Variants in CADPS2 observed in about 807,000 individuals in gnomAD.
CADPS2 encodes calcium-dependent secretion activator 2.
In CADPS2, 93 loss-of-function variants were observed where a neutral mutation model predicts 172.5. The observed-to-expected ratio is 0.54, with a 90% CI of 0.46 to 0.64. CADPS2 has a LOEUF of 0.64. Among genes scored for constraint, CADPS2 ranks in the 30% least tolerant of loss-of-function variants. The probability of loss-of-function intolerance (pLI) is 0.00; values close to 1 mark genes in which losing one functional copy is unlikely to be tolerated. For missense variants in CADPS2, 1,420 were observed against 1,565.9 expected (o/e 0.91, Z 1.57); for synonymous variants, 546 against 555.2 (o/e 0.98, Z 0.23).
chr7:122,859,159 T>C (rs1467031972), intron 1 of CADPS2, among the ~76,000 whole-genome samples: 3 of 152,224 alleles, frequency 2.0e-5, no homozygotes, highest in East Asian at 1.9e-4. Context: ...CTGCTTAATA[T>C]TTTCAATTTC....
chr7:122,859,759 G>A (rs1003723807), intron 1 of CADPS2, among the ~76,000 whole-genome samples: 7 of 151,756 alleles, frequency 4.6e-5, no homozygotes, highest in African/African-American at 1.5e-4. Flanking sequence ...TCTTCTCCAG[G>A]TTACTTATAA....
chr7:122,436,331 TG>T (rs1273664949), intron 17 of CADPS2: 2 of 1,243,092 alleles, frequency 1.6e-6, no homozygotes, highest in African/African-American at 3.1e-5. Flanking sequence ...TGAGAAATAA[TG>T]GCTTGTGCAT....
At chr7:122,431,559 G>A (rs1156619841) in intron 17 of CADPS2, among the ~76,000 whole-genome samples, 4 of 152,010 alleles carry the variant, frequency 2.6e-5, no homozygotes, top group East Asian at 1.9e-4. Flanking sequence ...CGTCAAGGGC[G>A]GGGAGTGTAA....
chr7:122,648,543 C>T (rs554038743), intron 3 of CADPS2, among the ~76,000 whole-genome samples: 107 of 152,002 alleles, frequency 7.0e-4, no homozygotes, highest in African/African-American at 2.3e-3. Flanking sequence ...GAAAAGTGCC[C>T]GAGTAGAACG....
intron 1 of CADPS2, among the ~76,000 whole-genome samples, chr7:122,845,677 A>C (rs1233638862): frequency 6.6e-6 from 1 of 152,200 alleles, no homozygotes; most frequent in African/African-American, 2.4e-5. Flanking sequence ...AGCCTAGAGC[A>C]GGTTCACATG....
chr7:122,646,298 A>C (rs1265404259), intron 3 of CADPS2, among the ~76,000 whole-genome samples: 2 of 152,144 alleles, frequency 1.3e-5, no homozygotes, highest in Non-Finnish European at 2.9e-5. Flanking sequence ...TACAAGCATT[A>C]ATATTTATTT....
intron 1 of CADPS2, among the ~76,000 whole-genome samples, chr7:122,834,964 C>A (rs749542961): frequency 4.6e-5 from 7 of 152,326 alleles, no homozygotes; most frequent in East Asian, 3.9e-4. Context: ...AGTTTGAGAA[C>A]TGAGAACGGA....
At chr7:122,398,146 T>G (rs1320940030) in intron 20 of CADPS2, among the ~76,000 whole-genome samples, 1 of 152,208 alleles carries the variant, frequency 6.6e-6, no homozygotes, top group Non-Finnish European at 1.5e-5. Context: ...TTGATTATTT[T>G]CATATGAAAA....
chr7:122,709,828 G>A (rs1448833513), intron 2 of CADPS2, among the ~76,000 whole-genome samples: 4 of 151,694 alleles, frequency 2.6e-5, no homozygotes, highest in Non-Finnish European at 5.9e-5. Flanking sequence ...AACACCACAT[G>A]TTCTCACTCA....
intron 20 of CADPS2, among the ~76,000 whole-genome samples, chr7:122,398,150 A>T: frequency 6.6e-6 from 1 of 152,220 alleles, no homozygotes; most frequent in East Asian, 1.9e-4. Flanking sequence ...TTATTTTCAT[A>T]TGAAAAAGCC....
chr7:122,798,107 A>T (rs529387125), intron 1 of CADPS2, among the ~76,000 whole-genome samples: 2 of 150,886 alleles, frequency 1.3e-5, no homozygotes, highest in South Asian at 2.1e-4. Context: ...TTGTTGCATT[A>T]AAAAAAAACT....
At chr7:122,395,207 T>C (rs944619395) in intron 20 of CADPS2, among the ~76,000 whole-genome samples, 5 of 152,194 alleles carry the variant, frequency 3.3e-5, no homozygotes, top group Non-Finnish European at 7.3e-5. Context: ...TGTTACTTTA[T>C]GCGTTTCTGA....
chr7:122,715,632 GAT>G (rs2089483206), intron 2 of CADPS2, among the ~76,000 whole-genome samples: 1 of 151,782 alleles, frequency 6.6e-6, no homozygotes, highest in African/African-American at 2.4e-5. Context: ...TACGGACAAA[GAT>G]AGCTTTAGTC....
At chr7:122,348,741 CAAGT>C (rs1172166417) in intron 27 of CADPS2, among the ~76,000 whole-genome samples, 2 of 152,118 alleles carry the variant, frequency 1.3e-5, no homozygotes, top group African/African-American at 2.4e-5. Context: ...AGAATATACA[CAAGT>C]AAGAGTAACT....
At chr7:122,782,479 T>A (rs1183694778) in intron 1 of CADPS2, among the ~76,000 whole-genome samples, 1 of 152,176 alleles carries the variant, frequency 6.6e-6, no homozygotes, top group Non-Finnish European at 1.5e-5. Context: ...GGTGTAGTGA[T>A]GCATGTCTGC....
chr7:122,443,513 T>C (rs2051656998), intron 15 of CADPS2, among the ~76,000 whole-genome samples: 1 of 152,030 alleles, frequency 6.6e-6, no homozygotes, highest in Non-Finnish European at 1.5e-5. Context: ...TTTGGCAAAT[T>C]AATTGCACAG....
intron 2 of CADPS2, among the ~76,000 whole-genome samples, chr7:122,686,343 T>C (rs2083620519): frequency 2.6e-5 from 4 of 152,204 alleles, no homozygotes; most frequent in Admixed American, 2.6e-4. Context: ...TATGCCTAAA[T>C]GTATCTTGTA....
intron 7 of CADPS2, among the ~76,000 whole-genome samples, chr7:122,573,207 C>A (rs1218555949): frequency 6.6e-6 from 1 of 152,058 alleles, no homozygotes; most frequent in East Asian, 1.9e-4. Flanking sequence ...TACCCCAAAC[C>A]AACTAAAGGA....
intron 28 of CADPS2, among the ~76,000 whole-genome samples, chr7:122,336,507 C>T (rs12540444): frequency 0.042 from 6,399 of 152,242 alleles, 240 homozygotes; most frequent in African/African-American, 0.1. Flanking sequence ...ACAGGCTCTA[C>T]ATATAGAGGT....
Sources: allele counts gnomAD v4.1 joint callset (sites outside exome capture counted in the v4.1 genomes callset), GRCh38; gene constraint gnomAD v4.1.1; transcripts MANE v1.5; gene names NCBI Gene and HGNC (gene_info 2026-07-23, HGNC 2026-07-21).